Variants in MAST4 observed in about 807,000 individuals in gnomAD.
MAST4 encodes microtubule-associated serine/threonine-protein kinase 4.
In MAST4, 89 loss-of-function variants were observed where a neutral mutation model predicts 162.7. That is an observed-to-expected ratio of 0.55 (90% confidence interval 0.46 to 0.65). The LOEUF (loss-of-function observed/expected upper bound fraction) is 0.65. Ranked by LOEUF, MAST4 falls within the 30% of genes least tolerant of loss-of-function variation. The pLI is 0.00. For missense variants in MAST4, 3,153 were observed against 3,374.0 expected (o/e 0.93, Z 1.62); for synonymous variants, 1,479 against 1,361.1 (o/e 1.09, Z -1.91).
chr5:67,165,290 G>A lies in MAST4; in HGVS notation c.6111G>A (p.Ala2037=). 1 of 1,613,466 alleles carries A rather than the reference G, an allele frequency of 6.2e-7. No individual in the cohort carries two copies. The highest frequency in any genetic ancestry group is 8.5e-7 in the Non-Finnish European group (1 of 1,179,880). ...TQTQAMEKAW[A]PGGKTNHKDG... is the part of the protein sequence containing the mutation. Reference sequence around the variant, plus strand: ...CCCAGGCCATGGAGAAAGCATGGGCGCCGGGTGGGAAAACGAACCACAAAG... The same window carrying A: ...CCCAGGCCATGGAGAAAGCATGGGCACCGGGTGGGAAAACGAACCACAAAG... The change falls in exon 29 of 29, where the codon GCG becomes GCA. Residue 2037 remains alanine, a synonymous_variant. Transcript: ENST00000403625.
intron 4 of MAST4, among the ~76,000 whole-genome samples, chr5:66,955,354 A>G (rs983537724): frequency 2.6e-5 from 4 of 152,130 alleles, no homozygotes; most frequent in Admixed American, 6.6e-5. Flanking sequence ...CTGTAAGTGC[A>G]AAGGGCAAGA....
At chr5:66,698,218 T>C (rs1051197229) in intron 1 of MAST4, among the ~76,000 whole-genome samples, 1 of 152,064 alleles carries the variant, frequency 6.6e-6, no homozygotes, top group Non-Finnish European at 1.5e-5. Flanking sequence ...ACCCACACTC[T>C]TAGTTCCCGC....
chr5:66,955,972 G>GT lies in MAST4; in HGVS notation c.674+56001dup, dbSNP rs111420654. Reference sequence around the variant, plus strand: ...ACAATTAGTTGATATGTCTTTTAAGGTTTTTTTTTTTGTTTGTTTGTTTGT... The same window carrying GT: ...ACAATTAGTTGATATGTCTTTTAAGGTTTTTTTTTTTTGTTTGTTTGTTTGT... On this transcript the variant is annotated intron_variant, in intron 4 of 28. Transcript: ENST00000403625. Among the ~76,000 whole-genome samples the GT allele has an allele frequency of 2.3e-3, 332 of 145,014 alleles. 1 individual carries two copies. Among genetic ancestry groups the GT allele is most frequent in the Middle Eastern group, 3.5e-3 (1 of 284 alleles).
intron 3 of MAST4, among the ~76,000 whole-genome samples, chr5:66,798,000 G>A (rs1755733728): frequency 1.3e-5 from 2 of 152,180 alleles, no homozygotes; most frequent in Admixed American, 6.5e-5. Flanking sequence ...CACCACTCAT[G>A]GTGATGCCAT....
chr5:66,930,397 G>C (rs1180187661), intron 4 of MAST4, among the ~76,000 whole-genome samples: 3 of 152,188 alleles, frequency 2.0e-5, no homozygotes, highest in Non-Finnish European at 2.9e-5. Context: ...TATCTGGTAA[G>C]AAGTGTAGTT....
intron 1 of MAST4, among the ~76,000 whole-genome samples, chr5:66,686,584 T>G (rs539112391): frequency 6.6e-6 from 1 of 152,346 alleles, no homozygotes; most frequent in East Asian, 1.9e-4. Flanking sequence ...GGATGGCATT[T>G]AAAAGTAGCA....
Position 67,165,898 on chromosome 5 carries a change from A to G in MAST4, c.6719A>G (p.Lys2240Arg). The change falls in exon 29 of 29, where the codon AAG (lysine) becomes AGG (arginine). Residue 2240 changes from lysine to arginine, a missense_variant. Lys to Arg is a conservative substitution (Grantham distance 26). Coordinates refer to ENST00000403625, the MANE Select transcript of MAST4 (RefSeq NM_001164664.2). Reference sequence around the variant, plus strand: ...CTCGGTGGCTCTAGCAGAGAGGGGAAGGGCCACAGTAAGAGTGGGCCGGAT... The same window carrying G: ...CTCGGTGGCTCTAGCAGAGAGGGGAGGGGCCACAGTAAGAGTGGGCCGGAT... ...QSLGGSSREGKGHSKSGPDVF... is the reference protein window; with the variant it reads ...QSLGGSSREGRGHSKSGPDVF... 1 of 1,613,422 alleles carries G rather than the reference A, an allele frequency of 6.2e-7. No individual in the cohort carries two copies. Among genetic ancestry groups the G allele is most frequent in the Non-Finnish European group, 8.5e-7 (1 of 1,179,892 alleles).
At chr5:66,671,428 T>C (rs1747605767) in intron 1 of MAST4, among the ~76,000 whole-genome samples, 1 of 152,162 alleles carries the variant, frequency 6.6e-6, no homozygotes, top group African/African-American at 2.4e-5. Flanking sequence ...CAGAAATCTT[T>C]CCCTAAGACC....
At chr5:67,066,536 C>A (rs77037752) in intron 5 of MAST4, among the ~76,000 whole-genome samples, 6,999 of 151,458 alleles carry the variant, frequency 0.046, 458 homozygotes, top group African/African-American at 0.15. Context: ...TTTATATGTC[C>A]TTAAATATCT....
intron 1 of MAST4, among the ~76,000 whole-genome samples, chr5:66,615,305 G>T (rs1044258551): frequency 1.3e-5 from 2 of 152,144 alleles, no homozygotes; most frequent in African/African-American, 4.8e-5. Flanking sequence ...TGGTGGGTCT[G>T]GGGAGGCTGG....
chr5:67,078,861 T>C (rs1433740677), intron 5 of MAST4, among the ~76,000 whole-genome samples: 1 of 117,254 alleles, frequency 8.5e-6, no homozygotes, highest in Non-Finnish European at 1.6e-5. Context: ...TATATTTATA[T>C]AAATATATAT....
At chr5:66,627,418 G>T (rs898736734) in intron 1 of MAST4, among the ~76,000 whole-genome samples, 2 of 152,166 alleles carry the variant, frequency 1.3e-5, no homozygotes, top group African/African-American at 4.8e-5. Flanking sequence ...GTCCTGGAAG[G>T]AGCATAAAAT....
At chr5:66,851,066 C>T (rs1759276942) in intron 3 of MAST4, among the ~76,000 whole-genome samples, 2 of 152,138 alleles carry the variant, frequency 1.3e-5, no homozygotes, top group South Asian at 4.1e-4. Context: ...AACATTTCCC[C>T]ATGGATGATA....
intron 6 of MAST4, among the ~76,000 whole-genome samples, chr5:67,090,977 A>G (rs543616717): frequency 1.3e-5 from 2 of 152,226 alleles, no homozygotes; most frequent in African/African-American, 4.8e-5. Context: ...AAACACCGAG[A>G]AAACAAAATG....
chr5:66,726,227 C>A (rs1265090807), intron 1 of MAST4, among the ~76,000 whole-genome samples: 1 of 151,958 alleles, frequency 6.6e-6, no homozygotes, highest in Non-Finnish European at 1.5e-5. Context: ...AGATAAAATC[C>A]TTCTTGCCTA....
At position 67,160,081 on chromosome 5, in the gene MAST4, C is replaced by T. The variant is rs577923888; in HGVS notation, c.3649-375C>T. 3.4e-4 allele frequency among the ~76,000 whole-genome samples: 52 copies of T among 152,310 alleles called. No individual in the cohort carries two copies. In the South Asian group the frequency reaches 0.011, roughly 31 times the overall value. ...TATAGTGTTCTTTCCTTGTGTTGCA[C>T]TGGGTGCAAAAGGCTTTACAGACTT... On this transcript the variant is annotated intron_variant, in intron 26 of 28. Transcript: ENST00000403625.
chr5:66,677,807 A>C (rs190821920), intron 1 of MAST4, among the ~76,000 whole-genome samples: 1 of 152,012 alleles, frequency 6.6e-6, no homozygotes, highest in Admixed American at 6.6e-5. Context: ...TTGGAGGAGG[A>C]GGTGGTGGGC....
rs535964311 is a variant in MAST4, at chr5:66,899,947, G to A, written c.643-4G>A. On this transcript the variant is annotated splice_polypyrimidine_tract_variant and splice_region_variant and intron_variant, in intron 3 of 28. Coordinates refer to ENST00000403625, the MANE Select transcript of MAST4 (RefSeq NM_001164664.2). ...CTTATATATGGTTTTTTTTTCTTTT[G>A]CAGAAGGAGCTGAGTCTCCCCAGAA... is the stretch of plus-strand genomic sequence containing the variant. 13 of 1,508,386 alleles carry A rather than the reference G, an allele frequency of 8.6e-6. No individual in the cohort carries two copies. Among genetic ancestry groups the A allele is most frequent in the East Asian group, 5.1e-5 (2 of 39,538 alleles). 93.4% of individuals were successfully genotyped at this position (1,508,386 alleles called of 1,614,324 possible).
At chr5:66,788,604 C>T (rs185519956) in intron 2 of MAST4, 66 bp from the exon 3 acceptor site, 4 of 1,337,756 alleles carry the variant, frequency 3.0e-6, no homozygotes, top group Non-Finnish European at 4.2e-6. Context: ...CCACCCCCAC[C>T]CCCATTGCAA....
Sources: gnomAD v4.1 joint callset for allele counts (sites outside exome capture counted in the v4.1 genomes callset) on GRCh38, gnomAD v4.1.1 for gene constraint, MANE v1.5 for transcripts, NCBI Gene and HGNC (gene_info 2026-07-23, HGNC 2026-07-21) for gene names.